MGAT5: variants seen among roughly 807,000 people sequenced by gnomAD.
The protein encoded by MGAT5 is alpha-1,6-mannosylglycoprotein 6-beta-N-acetylglucosaminyltransferase.
A neutral mutation model predicts 94.3 loss-of-function variants in MGAT5; 30 were observed. That is an observed-to-expected ratio of 0.32 (90% confidence interval 0.24 to 0.43). The LOEUF is 0.43. Among genes scored for constraint, MGAT5 ranks in the 20% least tolerant of loss-of-function variants. The probability of loss-of-function intolerance (pLI) is 1.00; values close to 1 mark genes in which losing one functional copy is unlikely to be tolerated. For synonymous variants in MGAT5, 310 were observed against 322.9 expected, an observed-to-expected ratio of 0.96 and a Z score of 0.43; for missense variants, 691 against 905.5, an observed-to-expected ratio of 0.76 and a Z score of 3.04.
At chr2:134,245,173 C>T (rs903667205) in intron 1 of MGAT5, among the ~76,000 whole-genome samples, 2 of 152,080 alleles carry the variant, frequency 1.3e-5, no homozygotes, top group Non-Finnish European at 2.9e-5. Context: ...CCACCACGCC[C>T]GGCTAATTTT....
At chr2:134,311,973 G>T (rs2105874698) in intron 2 of MGAT5, among the ~76,000 whole-genome samples, 1 of 152,314 alleles carries the variant, frequency 6.6e-6, no homozygotes, top group Admixed American at 6.5e-5. Context: ...CTCCAGGCCG[G>T]GTACAGTGGC....
At chr2:134,420,191 C>G (rs1684217675) in intron 12 of MGAT5, among the ~76,000 whole-genome samples, 1 of 152,242 alleles carries the variant, frequency 6.6e-6, no homozygotes, top group African/African-American at 2.4e-5. Context: ...AATCGCCTCT[C>G]AGTCTCAGAA....
intron 1 of MGAT5, among the ~76,000 whole-genome samples, chr2:134,181,169 T>C (rs1216244416): frequency 6.6e-6 from 1 of 152,212 alleles, no homozygotes; most frequent in Admixed American, 6.5e-5. Flanking sequence ...AATTTTGTTC[T>C]CCATGGTCAT....
chr2:134,237,037 A>G (rs1479146839), intron 1 of MGAT5, among the ~76,000 whole-genome samples: 1 of 151,974 alleles, frequency 6.6e-6, no homozygotes, highest in Admixed American at 6.6e-5. Context: ...TAAACTAACA[A>G]ATGTGCTAGT....
At chr2:134,280,649 G>T (rs923544915) in intron 2 of MGAT5, among the ~76,000 whole-genome samples, 4 of 152,204 alleles carry the variant, frequency 2.6e-5, no homozygotes, top group Non-Finnish European at 5.9e-5. Context: ...TTGTGCTAAT[G>T]TTTTCCCCCT....
intron 12 of MGAT5, among the ~76,000 whole-genome samples, chr2:134,416,353 A>G (rs148691760): frequency 1.3e-5 from 2 of 152,168 alleles, no homozygotes; most frequent in East Asian, 3.9e-4. Context: ...GAATTTGCCT[A>G]TTCTAGGTAC....
chr2:134,263,353 G>A (rs1683461240), intron 1 of MGAT5, among the ~76,000 whole-genome samples: 1 of 152,132 alleles, frequency 6.6e-6, no homozygotes, highest in South Asian at 2.1e-4. Context: ...TCGATGCATG[G>A]AAACTTCCTC....
chr2:134,258,673 C>T (rs530466082), intron 1 of MGAT5, among the ~76,000 whole-genome samples: 4 of 152,194 alleles, frequency 2.6e-5, no homozygotes, highest in South Asian at 2.1e-4. Flanking sequence ...GATTCGCTCA[C>T]GACATCTTCA....
chr2:134,214,721 G>T (rs1045176529), intron 1 of MGAT5, among the ~76,000 whole-genome samples: 8 of 152,098 alleles, frequency 5.3e-5, no homozygotes, highest in African/African-American at 1.9e-4. Flanking sequence ...AGGGTGGGGT[G>T]GGGAGGAACA....
intron 1 of MGAT5, among the ~76,000 whole-genome samples, chr2:134,243,616 C>T (rs1415605525): frequency 2.6e-5 from 4 of 152,184 alleles, no homozygotes; most frequent in African/African-American, 9.7e-5. Context: ...ACTACTGTAA[C>T]TTTATTTTAG....
At chr2:134,327,429 G>C (rs1417401757) in intron 4 of MGAT5, among the ~76,000 whole-genome samples, 1 of 151,968 alleles carries the variant, frequency 6.6e-6, no homozygotes, top group Non-Finnish European at 1.5e-5. Context: ...GCAAAATGAG[G>C]GTTTATTGAA....
At chr2:134,143,530 C>G (rs13424711) in intron 1 of MGAT5, among the ~76,000 whole-genome samples, 3,017 of 152,196 alleles carry the variant, frequency 0.02, 84 homozygotes, top group African/African-American at 0.067. Flanking sequence ...GCTGAAACCG[C>G]GCTCGGCGCA....
chr2:134,318,774 T>G, intron 4 of MGAT5, 35 bp downstream of exon 4: 1 of 1,468,150 alleles, frequency 6.8e-7, no homozygotes, highest in African/African-American at 1.4e-5. Context: ...GGGGTAGATG[T>G]GACTGGTTGG....
chr2:134,181,333 C>G (rs1001486188), intron 1 of MGAT5, among the ~76,000 whole-genome samples: 2 of 151,734 alleles, frequency 1.3e-5, no homozygotes, highest in African/African-American at 4.8e-5. Flanking sequence ...AGAAACCCTG[C>G]TCTACACTCA....
intron 2 of MGAT5, among the ~76,000 whole-genome samples, chr2:134,296,738 A>G (rs1401681363): frequency 6.6e-6 from 1 of 152,210 alleles, no homozygotes; most frequent in Non-Finnish European, 1.5e-5. Flanking sequence ...AGGAAAAAAA[A>G]TATGCATTCA....
intron 2 of MGAT5, among the ~76,000 whole-genome samples, chr2:134,283,091 G>A (rs186807363): frequency 2.6e-5 from 4 of 152,290 alleles, no homozygotes; most frequent in Admixed American, 2.6e-4. Context: ...CCACAGAAAG[G>A]TCTGGATGTG....
At chr2:134,208,788 C>T (rs988849847) in intron 1 of MGAT5, among the ~76,000 whole-genome samples, 2 of 152,160 alleles carry the variant, frequency 1.3e-5, no homozygotes, top group African/African-American at 2.4e-5. Flanking sequence ...ATTACCTTAC[C>T]CACCTATGTG....
intron 10 of MGAT5, among the ~76,000 whole-genome samples, chr2:134,385,355 A>C (rs996941131): frequency 6.6e-6 from 1 of 152,240 alleles, no homozygotes; most frequent in East Asian, 1.9e-4. Flanking sequence ...ATAACCAGCA[A>C]AAAATCAAGC....
Position 134,453,429 on chromosome 2 carries a change from A to T in MGAT5, c.*4582A>T, listed in dbSNP as rs910676710. The T allele has an allele frequency of 6.6e-6, 1 of 152,224 alleles. No individual in the cohort carries two copies. The highest frequency in any genetic ancestry group is 6.5e-5 in the Admixed American group (1 of 15,282). The allele number at this position is 152,224 out of a possible 1,614,324, so 9.4% of individuals were successfully genotyped here. Reference sequence around the variant, plus strand: ...CACTGACGTCTTTCAGAACATTCCAAGGGTTTTCCTCAAGGAACATTTTTG... The same window carrying T: ...CACTGACGTCTTTCAGAACATTCCATGGGTTTTCCTCAAGGAACATTTTTG... On this transcript the variant is annotated 3_prime_UTR_variant, in exon 16 of 16. Coordinates refer to ENST00000281923, the MANE Select transcript of MGAT5 (RefSeq NM_002410.5).
Sources: gnomAD v4.1 joint callset for allele counts (sites outside exome capture counted in the v4.1 genomes callset) on GRCh38, gnomAD v4.1.1 for gene constraint, MANE v1.5 for transcripts, NCBI Gene and HGNC (gene_info 2026-07-23, HGNC 2026-07-21) for gene names.